CDC42: variants seen among roughly 807,000 people sequenced by gnomAD.
The protein encoded by CDC42 is cell division control protein 42 homolog.
In CDC42, 1 loss-of-function variant was observed where a neutral mutation model predicts 20.8. That is an observed-to-expected ratio of 0.05 (90% CI 0.02 to 0.23). CDC42 has a LOEUF of 0.23. Among genes scored for constraint, CDC42 ranks in the 10% least tolerant of loss-of-function variants. CDC42 has a pLI of 1.00. For synonymous variants in CDC42, 72 were observed against 84.8 expected (o/e 0.85, Z 0.83); for missense variants, 49 against 227.9 (o/e 0.21, Z 5.05).
At chr1:22,081,347 G>C (rs1053239314) in intron 2 of CDC42, among the ~76,000 whole-genome samples, 1 of 152,184 alleles carries the variant, frequency 6.6e-6, no homozygotes, top group East Asian at 1.9e-4. Flanking sequence ...AAAAGGAAAT[G>C]GTCTATGAAG....
At chr1:22,057,645 A>G (rs1021510309) in intron 1 of CDC42, among the ~76,000 whole-genome samples, 11 of 151,930 alleles carry the variant, frequency 7.2e-5, no homozygotes, top group South Asian at 2.1e-4. Flanking sequence ...CGGCCTCTCA[A>G]AGTACTGGGA....
chr1:22,072,254 C>T (rs1241782046), intron 1 of CDC42, among the ~76,000 whole-genome samples: 3 of 151,784 alleles, frequency 2.0e-5, no homozygotes, highest in African/African-American at 2.4e-5. Flanking sequence ...CCTGCCACCA[C>T]GCCTGGCTAA....
In CDC42 at chr1:22,097,261, A is replaced by G. The variant is rs79959399; in HGVS notation, c.*5744A>G. Among the ~76,000 whole-genome samples, 35 of 152,112 alleles carry G rather than the reference A, an allele frequency of 2.3e-4. No homozygotes were observed. The East Asian group carries it at 5.8e-3, about 25-fold the overall frequency. On this transcript the variant is annotated 3_prime_UTR_variant, in exon 6 of 6. Coordinates refer to ENST00000656825, the MANE Select transcript of CDC42 (RefSeq NM_001791.4). ...CAGTTTTACCTCTTAAATCTGTATT[A>G]TTACTTTTTTTTCGAGACCAGATCT...
intron 2 of CDC42, chr1:22,078,885 A>C: frequency 1.9e-6 from 2 of 1,058,430 alleles, no homozygotes; most frequent in Non-Finnish European, 2.3e-6. Context: ...GAATGAGGTG[A>C]CTTTTTTTTT....
At chr1:22,062,137 C>T (rs16826304) in intron 1 of CDC42, among the ~76,000 whole-genome samples, 1,957 of 148,790 alleles carry the variant, frequency 0.013, 48 homozygotes, top group African/African-American at 0.043. Context: ...GGTTTCACCA[C>T]GTTGGCCAGG....
Position 22,078,785 on chromosome 1 carries a change from G to T in CDC42, c.105+202G>T, listed in dbSNP as rs1461069254. 5.5e-6 allele frequency: 8 copies of T among 1,462,250 alleles called. No homozygotes were observed. The East Asian group carries it at 2.0e-4, about 37-fold the overall frequency. The allele number at this position is 1,462,250 out of a possible 1,614,324, so 90.6% of individuals were successfully genotyped here. A position where few individuals can be genotyped will look rare whatever the true frequency, so the allele number is the denominator to read the frequency against. ...GGAAAGTCAGAAGGGGTGACACAGG[G>T]TTTGCAAGAAGTGCTGGGAGGCAAA... On this transcript the variant is annotated intron_variant, in intron 2 of 5. Transcript: ENST00000656825.
intron 1 of CDC42, among the ~76,000 whole-genome samples, chr1:22,055,320 C>T (rs771931779): frequency 2.7e-5 from 4 of 149,252 alleles, no homozygotes; most frequent in Non-Finnish European, 5.9e-5. Flanking sequence ...TGAATGAGCT[C>T]GTTTTCAGTA....
rs1362122554 is a variant in CDC42, at chr1:22,093,824, T to C, written c.*2307T>C. Reference sequence around the variant, plus strand: ...AGTCAGGGGCGTATAGGTCCTTGACTATTGCTATATCTTTGTCCTAAAGCA... The same window carrying C: ...AGTCAGGGGCGTATAGGTCCTTGACCATTGCTATATCTTTGTCCTAAAGCA... On this transcript the variant is annotated 3_prime_UTR_variant, in exon 6 of 6. Transcript: ENST00000656825. 6.6e-6 allele frequency among the ~76,000 whole-genome samples: 1 copy of C among 152,240 alleles called. No homozygotes were observed. Among genetic ancestry groups the C allele is most frequent in the African/African-American group, 2.4e-5 (1 of 41,458 alleles).
At chr1:22,057,346 C>A (rs1392204918) in intron 1 of CDC42, among the ~76,000 whole-genome samples, 1 of 152,212 alleles carries the variant, frequency 6.6e-6, no homozygotes, top group Non-Finnish European at 1.5e-5. Context: ...ATTTTAATAA[C>A]CATCCTTCTC....
intron 1 of CDC42, among the ~76,000 whole-genome samples, chr1:22,062,592 G>C (rs1265817619): frequency 6.6e-6 from 1 of 151,840 alleles, no homozygotes; most frequent in Non-Finnish European, 1.5e-5. Flanking sequence ...GATCTTAAGA[G>C]TTTTTTTCTG....
intron 5 of CDC42, chr1:22,090,663 A>C: frequency 1.0e-6 from 1 of 985,448 alleles, no homozygotes; most frequent in South Asian, 4.7e-5. Flanking sequence ...ACATCCATTT[A>C]AACAGTTGAC....
intron 1 of CDC42, among the ~76,000 whole-genome samples, chr1:22,075,293 T>C (rs1419641600): frequency 6.6e-6 from 1 of 152,224 alleles, no homozygotes; most frequent in African/African-American, 2.4e-5. Context: ...AGAACTTGAC[T>C]CTGAAATGAC....
At chr1:22,058,205 A>G (rs185439403) in intron 1 of CDC42, among the ~76,000 whole-genome samples, 2 of 152,262 alleles carry the variant, frequency 1.3e-5, no homozygotes, top group Admixed American at 1.3e-4. Context: ...TAAGATCCCC[A>G]CATGATTTTT....
chr1:22,079,931 A>G (rs1439463415), intron 2 of CDC42, among the ~76,000 whole-genome samples: 1 of 152,232 alleles, frequency 6.6e-6, no homozygotes, highest in Non-Finnish European at 1.5e-5. Flanking sequence ...GAGTAGTAGT[A>G]GAATAAAATT....
chr1:22,072,434 A>G (rs922053511), intron 1 of CDC42, among the ~76,000 whole-genome samples: 1 of 152,074 alleles, frequency 6.6e-6, no homozygotes, highest in Non-Finnish European at 1.5e-5. Flanking sequence ...TAAAGGGTAC[A>G]ACTCACGAAC....
chr1:22,075,701 T>C (rs10917141), intron 1 of CDC42, among the ~76,000 whole-genome samples: 5,385 of 152,318 alleles, frequency 0.035, 294 homozygotes, highest in African/African-American at 0.12. Context: ...TATCTTAGTT[T>C]ACCTTATGAG....
intron 2 of CDC42, among the ~76,000 whole-genome samples, chr1:22,080,397 C>G (rs560174840): frequency 6.6e-6 from 1 of 152,294 alleles, no homozygotes; most frequent in Non-Finnish European, 1.5e-5. Context: ...TTTTTAAGAA[C>G]CGACTTTCCT....
In CDC42 at chr1:22,094,336, C is replaced by T. The variant is rs1445117173; in HGVS notation, c.*2819C>T. Among the ~76,000 whole-genome samples, 3 of 69,618 alleles carry T rather than the reference C, an allele frequency of 4.3e-5. No homozygotes were observed. The highest frequency in any genetic ancestry group is 2.3e-4 in the Admixed American group (1 of 4,274). The allele number at this position is 69,618 out of a possible 152,430, so 45.7% of individuals were successfully genotyped here. On this transcript the variant is annotated 3_prime_UTR_variant, in exon 6 of 6. Coordinates refer to ENST00000656825, the MANE Select transcript of CDC42 (RefSeq NM_001791.4). ...TTTTTGAGACGGAGTCTCGCTCTGTCGCCCAGGCTGGAGTGCAGTGGCGCG... is the reference window on the plus strand; with the variant it reads ...TTTTTGAGACGGAGTCTCGCTCTGTTGCCCAGGCTGGAGTGCAGTGGCGCG...
At chr1:22,053,573 A>T (rs1014186700) in intron 1 of CDC42, 2 of 151,898 alleles carry the variant, frequency 1.3e-5, no homozygotes, top group Non-Finnish European at 2.9e-5. Context: ...TCGGGGGGGA[A>T]TTTTCTTTGT....
Sources: allele counts gnomAD v4.1 joint callset (sites outside exome capture counted in the v4.1 genomes callset), GRCh38; gene constraint gnomAD v4.1.1; transcripts MANE v1.5; gene names NCBI Gene and HGNC (gene_info 2026-07-23, HGNC 2026-07-21).